CRPPA: variants seen among roughly 807,000 people sequenced by gnomAD.
CRPPA encodes the protein CDP-L-ribitol pyrophosphorylase A.
Under a neutral mutation model 52.0 loss-of-function variants are expected in CRPPA, and 43 were observed. The ratio of observed to expected loss-of-function variants is 0.83; its 90% CI spans 0.65 to 1.07. CRPPA has a LOEUF of 1.07. Ranked by LOEUF, CRPPA falls within the 50% of genes least tolerant of loss-of-function variation. The pLI is 0.00. For missense variants in CRPPA, 629 were observed against 551.7 expected (o/e 1.14, Z -1.40); for synonymous variants, 250 against 203.5 (o/e 1.23, Z -1.94).
intron 9 of CRPPA, among the ~76,000 whole-genome samples, chr7:16,170,862 G>A (rs988943169): frequency 3.9e-5 from 6 of 152,198 alleles, no homozygotes; most frequent in Non-Finnish European, 5.9e-5. Context: ...CAGCCGCTCC[G>A]AGTGTGGGGG....
intron 9 of CRPPA, among the ~76,000 whole-genome samples, chr7:16,157,819 G>A (rs1413226078): frequency 1.3e-5 from 2 of 151,654 alleles, no homozygotes; most frequent in Non-Finnish European, 2.9e-5. Context: ...AACATACCAT[G>A]CTTGCTTCCT....
intron 9 of CRPPA, among the ~76,000 whole-genome samples, chr7:16,181,687 CA>C (rs1781415473): frequency 6.6e-6 from 1 of 151,956 alleles, no homozygotes; most frequent in Non-Finnish European, 1.5e-5. Flanking sequence ...ACTTAAAAAA[CA>C]GCATAAATTA....
intron 3 of CRPPA, among the ~76,000 whole-genome samples, chr7:16,355,342 T>C (rs1375125305): frequency 6.6e-6 from 1 of 152,160 alleles, no homozygotes. Context: ...TTCTTCTCCA[T>C]CATAATTTAA....
chr7:16,181,766 T>C (rs927378524), intron 9 of CRPPA, among the ~76,000 whole-genome samples: 1 of 152,028 alleles, frequency 6.6e-6, no homozygotes, highest in Non-Finnish European at 1.5e-5. Context: ...TAACAGCCTC[T>C]AAGACACTTT....
rs571881632 is a variant in CRPPA, at chr7:16,211,816, A to G, written c.1251+4250T>C. ...CTAAGGTAATTACAAGGAGTTTCACAATCAAGAATGTTTCTTGGATGTCCT... is the reference window on the plus strand; with the variant it reads ...CTAAGGTAATTACAAGGAGTTTCACGATCAAGAATGTTTCTTGGATGTCCT... On this transcript the variant is annotated intron_variant, in intron 9 of 9. Transcript: ENST00000407010. 2.0e-5 allele frequency among the ~76,000 whole-genome samples: 3 copies of G among 152,200 alleles called. 1 individual carries two copies. The highest frequency in any genetic ancestry group is 2.0e-4 in the Admixed American group (3 of 15,278).
At chr7:16,167,317 G>A (rs1781089334) in intron 9 of CRPPA, among the ~76,000 whole-genome samples, 1 of 152,140 alleles carries the variant, frequency 6.6e-6, no homozygotes. Context: ...TACCTGTTTG[G>A]GTTGAGCTGA....
rs182992152 is a variant in CRPPA at position 16,172,321 on chromosome 7, G to T, written c.1251+43745C>A. 2.0e-5 allele frequency among the ~76,000 whole-genome samples: 3 copies of T among 152,256 alleles called. No individual in the cohort carries two copies. In the East Asian group the frequency reaches 5.8e-4, roughly 29 times the overall value. On this transcript the variant is annotated intron_variant, in intron 9 of 9. Coordinates refer to ENST00000407010, the MANE Select transcript of CRPPA (RefSeq NM_001101426.4). ...AGCTATCAGTCAGCTGCTGGGGTGG[G>T]CTCCATCCTCACAGCAGGAACAGTC...
At chr7:16,122,233 T>C (rs934024618) in intron 9 of CRPPA, among the ~76,000 whole-genome samples, 80 of 152,220 alleles carry the variant, frequency 5.3e-4, no homozygotes, top group Non-Finnish European at 1.0e-3. Context: ...TTCTTCCTTT[T>C]AATTGTTTAT....
intron 2 of CRPPA, among the ~76,000 whole-genome samples, chr7:16,398,495 C>A (rs1787682892): frequency 6.6e-6 from 1 of 151,968 alleles, no homozygotes; most frequent in African/African-American, 2.4e-5. Context: ...TGACCTATAT[C>A]ATTGGCACGT....
At chr7:16,286,097 A>AAAAATATATATATATATATATATATAT in intron 5 of CRPPA, among the ~76,000 whole-genome samples, 1 of 39,130 alleles carries the variant, frequency 2.6e-5, no homozygotes, top group African/African-American at 1.8e-4. Context: ...TAAAAAAAAA[A>AAAAATATATATATATATATATATATAT]ATATATATAT....
At chr7:16,312,669 C>T (rs1266257133) in intron 3 of CRPPA, among the ~76,000 whole-genome samples, 1 of 151,914 alleles carries the variant, frequency 6.6e-6, no homozygotes, top group Non-Finnish European at 1.5e-5. Flanking sequence ...TGTTCTTGAC[C>T]TTACCAGGAA....
chr7:16,117,662 T>C (rs1782403135), intron 9 of CRPPA, among the ~76,000 whole-genome samples: 1 of 152,180 alleles, frequency 6.6e-6, no homozygotes, highest in Admixed American at 6.5e-5. Context: ...CAACTTCCTT[T>C]CCCTCTTTCT....
intron 6 of CRPPA, among the ~76,000 whole-genome samples, chr7:16,259,753 A>T (rs1783746196): frequency 6.6e-6 from 1 of 151,998 alleles, no homozygotes; most frequent in South Asian, 2.1e-4. Context: ...ATCACATTTC[A>T]GTGATTCTTA....
At chr7:16,314,512 C>T (rs1432549519) in intron 3 of CRPPA, among the ~76,000 whole-genome samples, 2 of 152,086 alleles carry the variant, frequency 1.3e-5, no homozygotes, top group African/African-American at 4.8e-5. Context: ...GCCTCCTCAA[C>T]TGAAGTTTTT....
chr7:16,352,707 T>C (rs566830090), intron 3 of CRPPA, among the ~76,000 whole-genome samples: 84 of 152,228 alleles, frequency 5.5e-4, no homozygotes, highest in South Asian at 1.2e-3. Flanking sequence ...CCTCAAAAAA[T>C]AGAATTATTA....
At chr7:16,102,525 C>T (rs1167900496) in intron 9 of CRPPA, among the ~76,000 whole-genome samples, 1 of 152,110 alleles carries the variant, frequency 6.6e-6, no homozygotes, top group Non-Finnish European at 1.5e-5. Context: ...AGGCAACCTA[C>T]AGAATGGGAG....
intron 3 of CRPPA, among the ~76,000 whole-genome samples, chr7:16,315,971 A>G (rs982088636): frequency 6.6e-6 from 1 of 152,134 alleles, no homozygotes; most frequent in Non-Finnish European, 1.5e-5. Context: ...CAATTGTTCA[A>G]TATTTTACTT....
rs199691459 is a variant in CRPPA at position 16,406,275 on chromosome 7, C to A, written c.320G>T (p.Ser107Ile). 2.4e-4 allele frequency: 385 copies of A among 1,613,754 alleles called. No homozygotes were observed. Among genetic ancestry groups the A allele is most frequent in the Non-Finnish European group, 3.0e-4 (350 of 1,179,832 alleles). ...VTGENMEVMK[S>I]IIQKYQHKRI... ...TTTATGCTGATACTTCTGAATAATA[C>A]TTTTCATTACTTCCATGTTCTCTCC... The change falls in exon 2 of 10, where the codon AGT (serine) becomes ATT (isoleucine). Residue 107 changes from serine to isoleucine, a missense_variant. Ser to Ile is a moderately radical substitution (Grantham distance 142, BLOSUM62 -2). Transcript: ENST00000407010.
Position 16,091,655 on chromosome 7 carries a change from C to T in CRPPA, c.*40G>A, listed in dbSNP as rs1245026002. 6.1e-6 allele frequency: 7 copies of T among 1,145,634 alleles called. No individual in the cohort carries two copies. The highest frequency in any genetic ancestry group is 8.9e-6 in the Non-Finnish European group (7 of 783,446). The allele number at this position is 1,145,634 out of a possible 1,614,324, so 71.0% of individuals were successfully genotyped here. A position where few individuals can be genotyped will look rare whatever the true frequency, so the allele number is the denominator to read the frequency against. ...GGGCACAAAGCACAATTAAGATACG[C>T]AAATAGATGTTTTAGAAAATAGGTA... On this transcript the variant is annotated 3_prime_UTR_variant, in exon 10 of 10. Coordinates refer to ENST00000407010, the MANE Select transcript of CRPPA (RefSeq NM_001101426.4).
Sources: allele counts gnomAD v4.1 joint callset (sites outside exome capture counted in the v4.1 genomes callset), GRCh38; gene constraint gnomAD v4.1.1; transcripts MANE v1.5; gene names NCBI Gene and HGNC (gene_info 2026-07-23, HGNC 2026-07-21).